Variants in CREB1 observed in about 807,000 individuals in gnomAD.
CREB1 encodes cyclic AMP-responsive element-binding protein 1.
A neutral mutation model predicts 42.0 loss-of-function variants in CREB1; 2 were observed. The observed-to-expected ratio is 0.05, with a 90% CI of 0.02 to 0.15. CREB1 has a LOEUF of 0.15. Among genes scored for constraint, CREB1 ranks in the 10% least tolerant of loss-of-function variants. The pLI, the probability that CREB1 is intolerant of heterozygous loss-of-function variation, is 1.00. For missense variants in CREB1, 199 were observed against 388.9 expected (o/e 0.51, Z 4.11); for synonymous variants, 123 against 139.9 (o/e 0.88, Z 0.85).
chr2:207,570,110 A>AG, intron 4 of CREB1, 69 bp from the exon 5 acceptor site: 2 of 1,138,890 alleles, frequency 1.8e-6, no homozygotes, highest in Admixed American at 2.6e-5. Flanking sequence ...TCTCATCTTT[A>AG]ACTATATTTG....
chr2:207,592,404 CA>C (rs2085219387), intron 7 of CREB1, among the ~76,000 whole-genome samples: 1 of 151,774 alleles, frequency 6.6e-6, no homozygotes. Flanking sequence ...GACTCCATCT[CA>C]AAAAATAAAA....
chr2:207,556,593 G>A (rs917599313), intron 2 of CREB1, among the ~76,000 whole-genome samples: 1 of 152,198 alleles, frequency 6.6e-6, no homozygotes. Context: ...TCTGGCTGAG[G>A]TAGTGTGAGC....
At chr2:207,577,318 T>C in intron 6 of CREB1, 187 bp from the exon 7 acceptor site, 1 of 1,019,070 alleles carries the variant, frequency 9.8e-7, no homozygotes, top group Non-Finnish European at 1.4e-6. Context: ...ATAAATACAT[T>C]ACATTGGGAA....
chr2:207,558,588 C>T (rs943971201), intron 2 of CREB1, among the ~76,000 whole-genome samples: 4 of 152,066 alleles, frequency 2.6e-5, no homozygotes, highest in Non-Finnish European at 5.9e-5. Flanking sequence ...TCGTTGGTCT[C>T]CCCACCACCA....
intron 3 of CREB1, among the ~76,000 whole-genome samples, chr2:207,566,831 A>G (rs1262338511): frequency 6.6e-6 from 1 of 152,204 alleles, no homozygotes; most frequent in Non-Finnish European, 1.5e-5. Context: ...TCTATCATTA[A>G]TATCCCATGT....
chr2:207,546,658 C>T (rs951556199), intron 1 of CREB1, among the ~76,000 whole-genome samples: 3 of 151,764 alleles, frequency 2.0e-5, no homozygotes, highest in African/African-American at 7.3e-5. Context: ...ACCTGGGAAG[C>T]GGAGGTTGCA....
chr2:207,538,702 T>G (rs1421425310), intron 1 of CREB1, among the ~76,000 whole-genome samples: 1 of 152,200 alleles, frequency 6.6e-6, no homozygotes, highest in Admixed American at 6.5e-5. Flanking sequence ...TAAAATAGTT[T>G]AGGAGTAGAG....
At chr2:207,533,298 C>CA (rs2080731023) in intron 1 of CREB1, among the ~76,000 whole-genome samples, 1 of 151,992 alleles carries the variant, frequency 6.6e-6, no homozygotes, top group African/African-American at 2.4e-5. Context: ...TTCTGAAACT[C>CA]ATATTCTTGA....
intron 1 of CREB1, among the ~76,000 whole-genome samples, chr2:207,538,293 G>T (rs997322203): frequency 4.6e-5 from 7 of 152,210 alleles, no homozygotes; most frequent in Admixed American, 4.6e-4. Context: ...CTCCAGTGAT[G>T]AATAATTACC....
At chr2:207,552,668 C>T (rs181836154) in intron 1 of CREB1, among the ~76,000 whole-genome samples, 16 of 149,502 alleles carry the variant, frequency 1.1e-4, no homozygotes, top group African/African-American at 3.0e-4. Context: ...TGCAGTGGCG[C>T]GATCTCGGCT....
At chr2:207,560,440 A>G in intron 3 of CREB1, 68 bp downstream of exon 3, 2 of 1,472,064 alleles carry the variant, frequency 1.4e-6, no homozygotes, top group Non-Finnish European at 1.9e-6. Flanking sequence ...CTCTCCTTTC[A>G]CTAGTTATGA....
Position 207,603,694 on chromosome 2 carries a change from C to G in CREB1, c.*6636C>G, listed in dbSNP as rs1019253107. Among the ~76,000 whole-genome samples, 1 of 152,058 alleles carries G rather than the reference C, an allele frequency of 6.6e-6. No homozygotes were observed. Among genetic ancestry groups the G allele is most frequent in the African/African-American group, 2.4e-5 (1 of 41,374 alleles). ...TGTCAAGATGACTAATGGAGACATA[C>G]GACCAGCTGTGTCTGATGTCATAAA... On this transcript the variant is annotated 3_prime_UTR_variant, in exon 8 of 8. Coordinates refer to ENST00000353267, the MANE Select transcript of CREB1 (RefSeq NM_004379.5).
intron 5 of CREB1, among the ~76,000 whole-genome samples, chr2:207,574,354 C>T (rs2082490208): frequency 6.6e-6 from 1 of 152,176 alleles, no homozygotes. Context: ...AAAAGCTTGA[C>T]CCCTACAGGG....
intron 7 of CREB1, chr2:207,581,913 G>C: frequency 1.4e-6 from 1 of 702,838 alleles, no homozygotes; most frequent in Non-Finnish European, 2.6e-6. Flanking sequence ...TTTTCTTTTA[G>C]AATATCCCTC....
At chr2:207,568,914 G>A (rs2082243462) in intron 4 of CREB1, among the ~76,000 whole-genome samples, 1 of 151,956 alleles carries the variant, frequency 6.6e-6, no homozygotes, top group African/African-American at 2.4e-5. Context: ...ATACTCAGTA[G>A]TGCCTCCCCA....
intron 1 of CREB1, among the ~76,000 whole-genome samples, chr2:207,543,267 G>A (rs1311958588): frequency 6.6e-6 from 1 of 152,138 alleles, no homozygotes; most frequent in Non-Finnish European, 1.5e-5. Flanking sequence ...TGAATCCACA[G>A]ATGCTGAATC....
intron 1 of CREB1, among the ~76,000 whole-genome samples, chr2:207,546,659 G>A (rs1045626220): frequency 6.6e-5 from 10 of 151,966 alleles, no homozygotes; most frequent in Non-Finnish European, 1.2e-4. Flanking sequence ...CCTGGGAAGC[G>A]GAGGTTGCAG....
intron 1 of CREB1, among the ~76,000 whole-genome samples, chr2:207,552,761 C>T (rs2081562644): frequency 6.6e-6 from 1 of 151,796 alleles, no homozygotes; most frequent in African/African-American, 2.4e-5. Flanking sequence ...ATTACAGGCA[C>T]CTGCCACCAC....
At chr2:207,596,748 TA>T (rs1302813134) in intron 7 of CREB1, among the ~76,000 whole-genome samples, 165 bp from the exon 8 acceptor site, 1 of 152,170 alleles carries the variant, frequency 6.6e-6, no homozygotes, top group African/African-American at 2.4e-5. Context: ...AAAATTTTAA[TA>T]TAAGGTAATT....
Sources: allele counts gnomAD v4.1 joint callset (sites outside exome capture counted in the v4.1 genomes callset), GRCh38; gene constraint gnomAD v4.1.1; transcripts MANE v1.5; gene names NCBI Gene and HGNC (gene_info 2026-07-23, HGNC 2026-07-21).